ANKRD44: variants seen among roughly 807,000 people sequenced by gnomAD.
ANKRD44 encodes the protein serine/threonine-protein phosphatase 6 regulatory ankyrin repeat subunit B.
A neutral mutation model predicts 116.0 loss-of-function variants in ANKRD44; 35 were observed. The observed-to-expected ratio is 0.30, with a 90% CI of 0.23 to 0.40. The LOEUF is 0.40. Ranked by LOEUF, ANKRD44 falls within the 10% of genes least tolerant of loss-of-function variation. The pLI, the probability that ANKRD44 is intolerant of heterozygous loss-of-function variation, is 1.00. For synonymous variants in ANKRD44, 435 were observed against 461.8 expected (o/e 0.94, Z 0.74); for missense variants, 1,014 against 1,242.6 (o/e 0.82, Z 2.77).
chr2:197,178,838 T>A (rs2080433116), intron 2 of ANKRD44, among the ~76,000 whole-genome samples: 1 of 152,224 alleles, frequency 6.6e-6, no homozygotes, highest in Non-Finnish European at 1.5e-5. Context: ...GATTCAGCTT[T>A]ACATATTTAC....
At chr2:197,220,047 T>C (rs143727272) in intron 1 of ANKRD44, among the ~76,000 whole-genome samples, 1 of 152,212 alleles carries the variant, frequency 6.6e-6, no homozygotes, top group African/African-American at 2.4e-5. Context: ...AATTTTTTCA[T>C]GTCAGCAGAA....
chr2:197,183,426 A>T (rs2080566111), intron 2 of ANKRD44, among the ~76,000 whole-genome samples: 1 of 152,172 alleles, frequency 6.6e-6, no homozygotes, highest in Non-Finnish European at 1.5e-5. Context: ...CATGGTTATC[A>T]GCCCCTTTTC....
intron 19 of ANKRD44, among the ~76,000 whole-genome samples, chr2:197,008,731 C>G (rs1411804756): frequency 6.6e-6 from 1 of 152,176 alleles, no homozygotes. Flanking sequence ...AAAAGGTGAT[C>G]CTTTCATCAA....
chr2:197,152,704 T>C (rs1483400793), intron 2 of ANKRD44, among the ~76,000 whole-genome samples: 1 of 152,178 alleles, frequency 6.6e-6, no homozygotes, highest in East Asian at 1.9e-4. Context: ...TAGCTAAAAA[T>C]ACTGTGTAGA....
intron 1 of ANKRD44, among the ~76,000 whole-genome samples, chr2:197,246,207 A>G (rs935515870): frequency 4.0e-5 from 6 of 151,878 alleles, no homozygotes; most frequent in African/African-American, 1.5e-4. Flanking sequence ...ATTTATTTAG[A>G]CAGTGATCTC....
chr2:197,017,492 T>C (rs966710389), intron 17 of ANKRD44, among the ~76,000 whole-genome samples: 5 of 152,166 alleles, frequency 3.3e-5, no homozygotes, highest in Non-Finnish European at 4.4e-5. Flanking sequence ...ACATTAAATA[T>C]TTTTTTCTCA....
intron 1 of ANKRD44, among the ~76,000 whole-genome samples, chr2:197,274,854 G>A (rs560196238): frequency 6.6e-6 from 1 of 152,248 alleles, no homozygotes; most frequent in East Asian, 1.9e-4. Flanking sequence ...AGCACTTTGG[G>A]AGGCCAAGGT....
chr2:197,306,954 A>G (rs930078300), intron 1 of ANKRD44, among the ~76,000 whole-genome samples: 1 of 152,200 alleles, frequency 6.6e-6, no homozygotes, highest in African/African-American at 2.4e-5. Flanking sequence ...TGCAGGTAAG[A>G]ATAGTGGACA....
chr2:197,053,575 C>G (rs1384647516), intron 16 of ANKRD44, among the ~76,000 whole-genome samples: 1 of 152,094 alleles, frequency 6.6e-6, no homozygotes, highest in East Asian at 1.9e-4. Context: ...CCTCTGTCTC[C>G]TGGGTTCAAG....
At chr2:197,241,976 T>C (rs1275800977) in intron 1 of ANKRD44, among the ~76,000 whole-genome samples, 1 of 152,178 alleles carries the variant, frequency 6.6e-6, no homozygotes, top group African/African-American at 2.4e-5. Context: ...AAATCTCCCT[T>C]TAGGTTTAAT....
chr2:197,136,125 T>C lies in ANKRD44; in HGVS notation c.261+467A>G, dbSNP rs201330973. On this transcript the variant is annotated intron_variant, in intron 4 of 27. Transcript: ENST00000282272. ...GATTTACCTTCTACTATAGCCTGAG[T>C]TCCAGTTATACCTCACTGAGGCCCC... The C allele has an allele frequency of 2.9e-5, 5 of 175,172 alleles. No homozygotes were observed. The East Asian group carries it at 7.9e-4, about 28-fold the overall frequency. 10.9% of individuals were successfully genotyped at this position (175,172 alleles called of 1,614,324 possible).
chr2:196,999,190 C>G (rs1024153609), intron 23 of ANKRD44, 138 bp from the exon 24 acceptor site: 5 of 1,009,788 alleles, frequency 5.0e-6, no homozygotes, highest in Admixed American at 2.8e-5. Flanking sequence ...CAGGTCCCCT[C>G]CCTCTAAAGG....
chr2:197,046,342 C>T (rs2077000932), intron 16 of ANKRD44, among the ~76,000 whole-genome samples: 3 of 152,106 alleles, frequency 2.0e-5, no homozygotes, highest in Admixed American at 1.3e-4. Flanking sequence ...CAAAATCTTT[C>T]TAGTAATTTA....
chr2:197,183,310 T>C (rs1442258462), intron 2 of ANKRD44, among the ~76,000 whole-genome samples: 1 of 151,906 alleles, frequency 6.6e-6, no homozygotes, highest in African/African-American at 2.4e-5. Flanking sequence ...AGTGAATAAA[T>C]GAGGGGAAAG....
intron 2 of ANKRD44, chr2:197,148,039 G>A (rs1365155814): frequency 1.0e-5 from 3 of 295,826 alleles, no homozygotes; most frequent in Non-Finnish European, 2.1e-5. Flanking sequence ...AGGCAGCATG[G>A]TAACATGCAA....
chr2:197,046,815 T>C (rs1035855661), intron 16 of ANKRD44, among the ~76,000 whole-genome samples: 7 of 152,168 alleles, frequency 4.6e-5, no homozygotes, highest in African/African-American at 1.4e-4. Context: ...TAAAGTAAAA[T>C]ATGAGTTGAG....
intron 9 of ANKRD44, among the ~76,000 whole-genome samples, chr2:197,105,220 T>A (rs1204331718): frequency 6.6e-6 from 1 of 152,128 alleles, no homozygotes; most frequent in Non-Finnish European, 1.5e-5. Flanking sequence ...TTCAAGTGAT[T>A]CTCCTGTCTC....
At chr2:197,291,012 T>C (rs1353528178) in intron 1 of ANKRD44, among the ~76,000 whole-genome samples, 1 of 151,744 alleles carries the variant, frequency 6.6e-6, no homozygotes, top group Non-Finnish European at 1.5e-5. Flanking sequence ...AGTTTCAGAC[T>C]AGCGTGGGCA....
chr2:197,230,976 A>C lies in ANKRD44; in HGVS notation c.28-43870T>G, dbSNP rs570860921. Among the ~76,000 whole-genome samples the C allele has an allele frequency of 1.7e-3, 255 of 152,336 alleles. 1 individual carries two copies. Among genetic ancestry groups the C allele is most frequent in the African/African-American group, 6.0e-3 (248 of 41,570 alleles). On this transcript the variant is annotated intron_variant, in intron 1 of 27. Coordinates refer to ENST00000282272, the MANE Select transcript of ANKRD44 (RefSeq NM_001195144.2). ...TCTTCTGGCTCTACCCACCTGAAAG[A>C]ATGGCTGAAAAATGGGCCCAGAAGA...
Sources: allele counts gnomAD v4.1 joint callset (sites outside exome capture counted in the v4.1 genomes callset), GRCh38; gene constraint gnomAD v4.1.1; transcripts MANE v1.5; gene names NCBI Gene and HGNC (gene_info 2026-07-23, HGNC 2026-07-21).